The following GLT1D1 variants were observed in gnomAD, a reference collection of about 807,000 sequenced individuals.
GLT1D1 encodes glycosyltransferase 1 domain containing 1.
In GLT1D1, 21 loss-of-function variants were observed where a neutral mutation model predicts 28.7. The ratio of observed to expected loss-of-function variants is 0.73; its 90% CI spans 0.52 to 1.05. GLT1D1 has a LOEUF of 1.05. Ranked by LOEUF, GLT1D1 falls within the 50% of genes least tolerant of loss-of-function variation. The pLI, the probability that GLT1D1 is intolerant of heterozygous loss-of-function variation, is 0.00. For synonymous variants in GLT1D1, 147 were observed against 124.8 expected (o/e 1.18, Z -1.19); for missense variants, 343 against 330.6 (o/e 1.04, Z -0.29).
At chr12:128,913,143 C>T (rs1381854103) in intron 4 of GLT1D1, among the ~76,000 whole-genome samples, 1 of 152,186 alleles carries the variant, frequency 6.6e-6, no homozygotes, top group African/African-American at 2.4e-5. Flanking sequence ...CTTCATACTC[C>T]TCCTTCCTCC....
chr12:128,976,489 G>T (rs1218700231), intron 7 of GLT1D1, among the ~76,000 whole-genome samples: 23 of 152,186 alleles, frequency 1.5e-4, no homozygotes, highest in Admixed American at 1.5e-3. Flanking sequence ...CTTTAACGAC[G>T]GCGGCCTGCG....
chr12:128,869,578 ATATATTTACGTATAAGTAGTAATATATAT>A (rs1158978004), intron 1 of GLT1D1, among the ~76,000 whole-genome samples: 2 of 152,098 alleles, frequency 1.3e-5, no homozygotes, highest in Non-Finnish European at 2.9e-5. Context: ...CATATAATTT[ATATATTTACGTATAAGTAGTAATATATAT>A]TATACGTGTG....
At chr12:128,953,475 T>C (rs1320938274) in intron 6 of GLT1D1, among the ~76,000 whole-genome samples, 2 of 152,180 alleles carry the variant, frequency 1.3e-5, no homozygotes, top group Non-Finnish European at 2.9e-5. Context: ...CTGCACCTCG[T>C]TGAAAGTTTT....
chr12:128,947,383 G>A lies in GLT1D1; in HGVS notation c.465G>A (p.Leu155=), dbSNP rs1255333585. The change falls in exon 6 of 8, where the codon CTG becomes CTA. Residue 155 remains leucine, a synonymous_variant. Transcript: ENST00000281703. ...TTGGAGAGATGCCTCAAGAAGATCT[G>A]CACGCGGTGGTGAAGAATTGCTTCG... The A allele has an allele frequency of 1.2e-6, 2 of 1,613,948 alleles. No homozygotes were observed. The highest frequency in any genetic ancestry group is 2.7e-5 in the African/African-American group (2 of 74,914).
chr12:128,872,845 C>CTCTT (rs1158392379), intron 1 of GLT1D1, among the ~76,000 whole-genome samples: 1 of 151,924 alleles, frequency 6.6e-6, no homozygotes, highest in Non-Finnish European at 1.5e-5. Context: ...GCTCGTGTGT[C>CTCTT]TCTTTCTTTC....
At chr12:128,963,305 T>A (rs1878147227) in intron 7 of GLT1D1, among the ~76,000 whole-genome samples, 1 of 152,064 alleles carries the variant, frequency 6.6e-6, no homozygotes, top group Admixed American at 6.6e-5. Flanking sequence ...GTGGGGTTGA[T>A]TCCAGGGTCG....
intron 1 of GLT1D1, among the ~76,000 whole-genome samples, chr12:128,874,068 CTTT>C (rs1566090836): frequency 0.11 from 1,946 of 18,106 alleles, 164 homozygotes; most frequent in Middle Eastern, 0.29. Flanking sequence ...TCCTTTCTTT[CTTT>C]CTTTCTTTCT....
rs199567989 is a variant in GLT1D1 at position 128,942,739 on chromosome 12, G to GTTTTTTTTTTTTTTTT, written c.376-2584_376-2583insTTTTTTTTTTTTTTTT. 6.8e-5 allele frequency among the ~76,000 whole-genome samples: 7 copies of GTTTTTTTTTTTTTTTT among 102,482 alleles called. 3 individuals carry two copies. The highest frequency in any genetic ancestry group is 4.3e-5 in the African/African-American group (1 of 23,224). The allele number at this position is 102,482 out of a possible 152,430, so 67.2% of individuals were successfully genotyped here. On this transcript the variant is annotated intron_variant, in intron 4 of 7. Coordinates refer to ENST00000281703, the MANE Select transcript of GLT1D1 (RefSeq NM_144669.3). ...CTTTAGATTCCAATTTTCTTTGTTT[G>GTTTTTTTTTTTTTTTT]TTTGTTTTTGTTTTTTGTTTTTTTT...
intron 7 of GLT1D1, among the ~76,000 whole-genome samples, chr12:128,974,468 C>T (rs1254223525): frequency 6.6e-6 from 1 of 152,210 alleles, no homozygotes; most frequent in Non-Finnish European, 1.5e-5. Context: ...AGGTCTTGCA[C>T]TGTTTTCCCT....
At chr12:128,945,190 C>A in intron 4 of GLT1D1, 136 bp from the exon 9 acceptor site, 1 of 868,194 alleles carries the variant, frequency 1.2e-6, no homozygotes, top group South Asian at 1.4e-5. Context: ...ACGCAGCAGC[C>A]GCGAGGACAC....
At chr12:128,890,356 A>C (rs957466826) in intron 3 of GLT1D1, among the ~76,000 whole-genome samples, 2 of 152,176 alleles carry the variant, frequency 1.3e-5, no homozygotes, top group Non-Finnish European at 2.9e-5. Flanking sequence ...ATTTGTTGTC[A>C]TTGTGTCTTT....
chr12:128,882,072 C>A (rs1030008474), intron 2 of GLT1D1, among the ~76,000 whole-genome samples: 3 of 152,124 alleles, frequency 2.0e-5, no homozygotes, highest in Admixed American at 6.6e-5. Context: ...TATAACTAGT[C>A]ACATTTATAT....
At chr12:128,959,597 GT>G (rs1384473495) in intron 7 of GLT1D1, among the ~76,000 whole-genome samples, 1 of 152,112 alleles carries the variant, frequency 6.6e-6, no homozygotes, top group African/African-American at 2.4e-5. Flanking sequence ...GGACCCAGGA[GT>G]TTCTCTGTTA....
chr12:128,969,900 G>A lies in GLT1D1; in HGVS notation c.639+12257G>A, dbSNP rs117895919. 2.7e-3 allele frequency among the ~76,000 whole-genome samples: 417 copies of A among 152,174 alleles called. 11 individuals are homozygous for A. In the East Asian group the frequency reaches 0.069, roughly 25 times the overall value. On this transcript the variant is annotated intron_variant, in intron 7 of 7. Coordinates refer to ENST00000281703, the MANE Select transcript of GLT1D1 (RefSeq NM_144669.3). ...GGGCACCTGCCAGGAGTGTGAGCCC[G>A]CAGGCTCCAGCTGGGGACTGTGATT...
intron 7 of GLT1D1, among the ~76,000 whole-genome samples, chr12:128,961,505 T>G (rs1026640531): frequency 2.0e-5 from 3 of 152,100 alleles, no homozygotes; most frequent in Admixed American, 6.6e-5. Context: ...GTCATGTCAT[T>G]TATGGCAACG....
At chr12:128,960,705 C>T (rs111837641) in intron 7 of GLT1D1, among the ~76,000 whole-genome samples, 33 of 151,058 alleles carry the variant, frequency 2.2e-4, no homozygotes, top group African/African-American at 6.3e-4. Context: ...TGCAGTGAGC[C>T]GAGACTGCAC....
intron 3 of GLT1D1, 94 bp from the exon 4 acceptor site, chr12:128,899,142 G>A (rs898824741): frequency 4.6e-6 from 4 of 878,044 alleles, no homozygotes; most frequent in Middle Eastern, 3.3e-4. Context: ...AGTGTCTCAC[G>A]TTGTCTCTCA....
At chr12:128,928,333 G>A (rs575824814) in intron 4 of GLT1D1, among the ~76,000 whole-genome samples, 2 of 152,202 alleles carry the variant, frequency 1.3e-5, no homozygotes, top group South Asian at 4.1e-4. Flanking sequence ...ACCGAGGGAT[G>A]GAGCCCCTGA....
Position 128,975,285 on chromosome 12 carries a change from G to A in GLT1D1, c.640-7644G>A, listed in dbSNP as rs559287232. Among the ~76,000 whole-genome samples the A allele has an allele frequency of 5.9e-5, 9 of 152,252 alleles. No homozygotes were observed. In the East Asian group the frequency reaches 1.7e-3, roughly 29 times the overall value. On this transcript the variant is annotated intron_variant, in intron 7 of 7. Transcript: ENST00000281703. ...ATGACTGGGGGCGGGGGGAAGTCAA[G>A]CATCGTGAGTAGGGGTCAGAGTCCC...
Sources: gnomAD v4.1 joint callset for allele counts (sites outside exome capture counted in the v4.1 genomes callset) on GRCh38, gnomAD v4.1.1 for gene constraint, MANE v1.5 for transcripts, NCBI Gene and HGNC (gene_info 2026-07-23, HGNC 2026-07-21) for gene names.